The following FNIP1 variants were observed in gnomAD, a reference collection of about 807,000 sequenced individuals.
The protein encoded by FNIP1 is folliculin interacting protein 1.
FNIP1 carries 40 observed loss-of-function variants against 124.5 expected under a neutral mutation model. The ratio of observed to expected loss-of-function variants is 0.32; its 90% CI spans 0.25 to 0.42. The LOEUF is 0.42. FNIP1 is among the 10% of genes least tolerant of loss of function. The pLI, the probability that FNIP1 is intolerant of heterozygous loss-of-function variation, is 1.00. For missense variants in FNIP1, 1,176 were observed against 1,403.7 expected, an observed-to-expected ratio of 0.84 and a Z score of 2.59; for synonymous variants, 472 against 470.6, an observed-to-expected ratio of 1.00 and a Z score of -0.04.
At chr5:131,652,075 G>T (rs1045503620) in intron 15 of FNIP1, 76 bp from the exon 16 acceptor site, 9 of 1,392,222 alleles carry the variant, frequency 6.5e-6, no homozygotes, top group Non-Finnish European at 7.8e-6. Context: ...AGCAATGAAG[G>T]TTTACTAAAC....
Position 131,654,077 on chromosome 5 carries a change from A to G in FNIP1, c.3109-2078T>C, listed in dbSNP as rs555260793. 2.0e-4 allele frequency among the ~76,000 whole-genome samples: 31 copies of G among 152,306 alleles called. No homozygotes were observed. In the South Asian group the frequency reaches 6.2e-3, roughly 31 times the overall value. On this transcript the variant is annotated intron_variant, in intron 15 of 17. Coordinates refer to ENST00000510461, the MANE Select transcript of FNIP1 (RefSeq NM_133372.3). The stretch of plus-strand genomic sequence containing the variant: ...ATTTTTATCACAAGCATTTACTTTC[A>G]TTGTTAAAAATGTTAAGACAGTGAA...
At chr5:131,714,078 G>A (rs1769388341) in intron 6 of FNIP1, among the ~76,000 whole-genome samples, 1 of 152,164 alleles carries the variant, frequency 6.6e-6, no homozygotes, top group Non-Finnish European at 1.5e-5. Flanking sequence ...GAAATCTATT[G>A]CCACATTTGT....
At chr5:131,678,882 C>T in intron 12 of FNIP1, 147 bp downstream of exon 12, 2 of 583,372 alleles carry the variant, frequency 3.4e-6, no homozygotes, top group South Asian at 2.8e-5. Flanking sequence ...TCTTCCATAC[C>T]CTATCATTTA....
chr5:131,708,314 T>C (rs1175690107), intron 8 of FNIP1, among the ~76,000 whole-genome samples: 1 of 152,188 alleles, frequency 6.6e-6, no homozygotes, highest in African/African-American at 2.4e-5. Flanking sequence ...TACAAAACAA[T>C]TTCGATAGCA....
chr5:131,670,645 G>T lies in FNIP1; in HGVS notation c.2940-14C>A. 1 of 1,560,848 alleles carries T rather than the reference G, an allele frequency of 6.4e-7. No homozygotes were observed. The highest frequency in any genetic ancestry group is 8.6e-7 in the Non-Finnish European group (1 of 1,158,406). On this transcript the variant is annotated splice_polypyrimidine_tract_variant and intron_variant, in intron 14 of 17. Transcript: ENST00000510461. ...ATTAACTTTGACCTGGAAGAAAAATGCCCCCAAAAGACATTTATTTAGTAA... is the reference window on the plus strand; with the variant it reads ...ATTAACTTTGACCTGGAAGAAAAATTCCCCCAAAAGACATTTATTTAGTAA...
intron 2 of FNIP1, among the ~76,000 whole-genome samples, chr5:131,737,455 T>C (rs1770350888): frequency 6.6e-6 from 1 of 152,200 alleles, no homozygotes; most frequent in Non-Finnish European, 1.5e-5. Context: ...CATACAGGGT[T>C]ACCTCAGCCT....
At chr5:131,667,650 G>A (rs1430777199) in intron 15 of FNIP1, among the ~76,000 whole-genome samples, 10 of 151,368 alleles carry the variant, frequency 6.6e-5, no homozygotes, top group African/African-American at 2.2e-4. Flanking sequence ...GTGCAGTGGC[G>A]TGATCTCGGC....
At chr5:131,696,099 G>A (rs1463368267) in intron 11 of FNIP1, among the ~76,000 whole-genome samples, 1 of 152,092 alleles carries the variant, frequency 6.6e-6, no homozygotes, top group Non-Finnish European at 1.5e-5. Context: ...AAATAATCCT[G>A]ATGTTAAAAT....
intron 1 of FNIP1, among the ~76,000 whole-genome samples, chr5:131,776,320 C>T (rs1313254806): frequency 6.6e-6 from 1 of 152,162 alleles, no homozygotes; most frequent in African/African-American, 2.4e-5. Flanking sequence ...TTTAGGAATG[C>T]AATGTGTGTA....
At chr5:131,781,790 G>A (rs542174905) in intron 1 of FNIP1, among the ~76,000 whole-genome samples, 2 of 152,176 alleles carry the variant, frequency 1.3e-5, no homozygotes, top group Non-Finnish European at 2.9e-5. Context: ...TGCAGCCTAC[G>A]GATCAAGGAG....
intron 10 of FNIP1, among the ~76,000 whole-genome samples, chr5:131,703,535 C>T (rs982793029): frequency 3.3e-5 from 5 of 152,196 alleles, no homozygotes; most frequent in African/African-American, 7.2e-5. Context: ...GCTTAAGTAT[C>T]AGGCTTACTC....
Position 131,644,603 on chromosome 5 carries a change from A to T in FNIP1, c.*82T>A, listed in dbSNP as rs1460674766. On this transcript the variant is annotated 3_prime_UTR_variant, in exon 18 of 18. Transcript: ENST00000510461. ...TCAGATGGAAGTCTAAAAGGGAAAAAGAATCTCCATAAATGCATGTTGTGT... is the reference window on the plus strand; with the variant it reads ...TCAGATGGAAGTCTAAAAGGGAAAATGAATCTCCATAAATGCATGTTGTGT... 8 of 1,215,270 alleles carry T rather than the reference A, an allele frequency of 6.6e-6. No individual in the cohort carries two copies. Among genetic ancestry groups the T allele is most frequent in the Non-Finnish European group, 8.5e-6 (7 of 828,248 alleles). The allele number at this position is 1,215,270 out of a possible 1,614,324, so 75.3% of individuals were successfully genotyped here. A position where few individuals can be genotyped will look rare whatever the true frequency, so the allele number is the denominator to read the frequency against.
At chr5:131,775,085 G>A (rs1275484868) in intron 1 of FNIP1, among the ~76,000 whole-genome samples, 1 of 152,140 alleles carries the variant, frequency 6.6e-6, no homozygotes, top group Non-Finnish European at 1.5e-5. Context: ...CTAGTTTCAC[G>A]GAAGCATATG....
At chr5:131,700,828 T>G (rs901959102) in intron 10 of FNIP1, among the ~76,000 whole-genome samples, 1 of 152,198 alleles carries the variant, frequency 6.6e-6, no homozygotes, top group Non-Finnish European at 1.5e-5. Flanking sequence ...CTTAATAATA[T>G]TCTATCATTA....
intron 1 of FNIP1, among the ~76,000 whole-genome samples, chr5:131,788,381 A>C (rs1032542897): frequency 3.0e-4 from 46 of 152,060 alleles, no homozygotes; most frequent in African/African-American, 1.1e-3. Flanking sequence ...AAGAAGTGAG[A>C]TCCAAGGCCA....
At chr5:131,706,572 A>C (rs538646914) in intron 8 of FNIP1, 26 bp from the exon 9 acceptor site, 1 of 1,510,812 alleles carries the variant, frequency 6.6e-7, no homozygotes. Flanking sequence ...AACAACAAGT[A>C]TAAGTCAATA....
At chr5:131,666,364 G>C (rs1767604997) in intron 15 of FNIP1, among the ~76,000 whole-genome samples, 4 of 152,066 alleles carry the variant, frequency 2.6e-5, no homozygotes, top group Admixed American at 2.0e-4. Context: ...GGAAAGACTA[G>C]AAACCCAATT....
At chr5:131,746,185 A>G (rs977800254) in intron 1 of FNIP1, among the ~76,000 whole-genome samples, 1 of 152,224 alleles carries the variant, frequency 6.6e-6, no homozygotes, top group Non-Finnish European at 1.5e-5. Flanking sequence ...AACTGAACAC[A>G]ATACAAATGA....
chr5:131,772,543 A>T (rs978925837), intron 1 of FNIP1, among the ~76,000 whole-genome samples: 1 of 152,068 alleles, frequency 6.6e-6, no homozygotes, highest in East Asian at 1.9e-4. Flanking sequence ...GCCTACCTCA[A>T]ACTTACTAAG....
Sources: allele counts gnomAD v4.1 joint callset (sites outside exome capture counted in the v4.1 genomes callset), GRCh38; gene constraint gnomAD v4.1.1; transcripts MANE v1.5; gene names NCBI Gene and HGNC (gene_info 2026-07-23, HGNC 2026-07-21).